GRID1: variants seen among roughly 807,000 people sequenced by gnomAD.
GRID1 encodes the protein glutamate ionotropic receptor delta type subunit 1, also known as glutamate receptor ionotropic, delta-1.
In GRID1, 28 loss-of-function variants were observed where a neutral mutation model predicts 98.0. The observed-to-expected ratio is 0.29, with a 90% CI of 0.21 to 0.39. GRID1 has a LOEUF of 0.39. Ranked by LOEUF, GRID1 falls within the 10% of genes least tolerant of loss-of-function variation. GRID1 has a pLI of 1.00. For synonymous variants in GRID1, 553 were observed against 538.5 expected (o/e 1.03, Z -0.37); for missense variants, 1,111 against 1,340.5 (o/e 0.83, Z 2.67).
In GRID1 at chr10:85,599,919, T is replaced by TCTCTCTCA. The variant is rs1554857354; in HGVS notation, c.*2353_*2354insTGAGAGAG. The TCTCTCTCA allele has an allele frequency of 6.5e-4, 85 of 131,514 alleles. No homozygotes were observed. The highest frequency in any genetic ancestry group is 2.5e-3 in the African/African-American group (80 of 31,952). The allele number at this position is 131,514 out of a possible 1,614,324, so 8.1% of individuals were successfully genotyped here. ...GTCTCTCTCTCTCTCTCTCTCTCTC[T>TCTCTCTCA]CACACACACACACACACACAAACAC... On this transcript the variant is annotated 3_prime_UTR_variant, in exon 16 of 16. Transcript: ENST00000327946.
At chr10:86,344,540 C>T (rs927919017) in intron 2 of GRID1, among the ~76,000 whole-genome samples, 19 of 152,168 alleles carry the variant, frequency 1.2e-4, no homozygotes, top group Admixed American at 1.2e-3. Flanking sequence ...CCTCTGAGGC[C>T]GTGGTGGTCT....
chr10:85,728,456 G>A (rs1841787026), intron 9 of GRID1, among the ~76,000 whole-genome samples: 1 of 152,216 alleles, frequency 6.6e-6, no homozygotes, highest in Admixed American at 6.5e-5. Context: ...AGGATAGTAA[G>A]TGGCGATAAA....
intron 6 of GRID1, among the ~76,000 whole-genome samples, chr10:85,866,370 C>A (rs1287856746): frequency 6.7e-6 from 1 of 149,576 alleles, no homozygotes; most frequent in Non-Finnish European, 1.5e-5. Flanking sequence ...ACCTGTCCAC[C>A]TCCACAGTAA....
At chr10:85,606,253 C>T (rs1306736109) in intron 15 of GRID1, 4 of 152,196 alleles carry the variant, frequency 2.6e-5, no homozygotes, top group Admixed American at 1.3e-4. Flanking sequence ...AGTTATCATT[C>T]GCCTTTAAAG....
chr10:85,930,791 T>C (rs1459667044), intron 4 of GRID1, among the ~76,000 whole-genome samples: 1 of 152,210 alleles, frequency 6.6e-6, no homozygotes, highest in East Asian at 1.9e-4. Flanking sequence ...TGAATATTAA[T>C]TCTTCCTCAG....
At chr10:86,117,927 G>A (rs1223277494) in intron 4 of GRID1, among the ~76,000 whole-genome samples, 2 of 152,178 alleles carry the variant, frequency 1.3e-5, no homozygotes, top group African/African-American at 2.4e-5. Context: ...TAGATCTACC[G>A]TTTGATCCAG....
At position 85,629,010 on chromosome 10, in the gene GRID1, G is replaced by A. The variant is rs546711160; in HGVS notation, c.2194-8977C>T. On this transcript the variant is annotated intron_variant, in intron 13 of 15. Coordinates refer to ENST00000327946, the MANE Select transcript of GRID1 (RefSeq NM_017551.3). Reference sequence around the variant, plus strand: ...GGCCCATGACCTGGGCAGGACAACCGAGAAGATGGAGGTGTTCCCAGGCTA... The same window carrying A: ...GGCCCATGACCTGGGCAGGACAACCAAGAAGATGGAGGTGTTCCCAGGCTA... 2.6e-5 allele frequency among the ~76,000 whole-genome samples: 4 copies of A among 152,140 alleles called. No individual in the cohort carries two copies. In the East Asian group the frequency reaches 5.8e-4, roughly 22 times the overall value.
At chr10:85,834,122 C>A (rs1044390683) in intron 8 of GRID1, among the ~76,000 whole-genome samples, 1 of 152,102 alleles carries the variant, frequency 6.6e-6, no homozygotes, top group Admixed American at 6.5e-5. Context: ...AGATGTAAAC[C>A]TGGAAATTCA....
At chr10:86,187,391 G>A (rs998008786) in intron 3 of GRID1, among the ~76,000 whole-genome samples, 9 of 152,328 alleles carry the variant, frequency 5.9e-5, no homozygotes, top group Middle Eastern at 6.8e-3. Context: ...CCTCACCCAA[G>A]TTCATGCTAC....
At chr10:85,767,140 G>C (rs1443718749) in intron 8 of GRID1, among the ~76,000 whole-genome samples, 1 of 152,130 alleles carries the variant, frequency 6.6e-6, no homozygotes, top group African/African-American at 2.4e-5. Flanking sequence ...GGAGAAGCTG[G>C]GCCACTCAGG....
At chr10:85,766,730 TTGTGTGTGTGTGTGTGTG>T (rs35691322) in intron 8 of GRID1, among the ~76,000 whole-genome samples, 1 of 138,352 alleles carries the variant, frequency 7.2e-6, no homozygotes, top group Non-Finnish European at 1.6e-5. Context: ...AGGCAGATGA[TTGTGTGTGTGTGTGTGTG>T]TGTGTGTGTG....
intron 8 of GRID1, among the ~76,000 whole-genome samples, chr10:85,830,796 A>G (rs936885147): frequency 1.3e-5 from 2 of 152,206 alleles, no homozygotes; most frequent in African/African-American, 2.4e-5. Context: ...AGCTATTATT[A>G]AAAAATAAAA....
At chr10:86,293,267 T>C (rs1847541861) in intron 2 of GRID1, among the ~76,000 whole-genome samples, 1 of 152,096 alleles carries the variant, frequency 6.6e-6, no homozygotes, top group South Asian at 2.1e-4. Flanking sequence ...CACACTCCAA[T>C]GCCAGGGAGG....
At chr10:86,214,825 T>C (rs1261372968) in intron 2 of GRID1, among the ~76,000 whole-genome samples, 1 of 152,154 alleles carries the variant, frequency 6.6e-6, no homozygotes, top group Non-Finnish European at 1.5e-5. Context: ...GCCAAGATAG[T>C]GCCACTGCAC....
At chr10:86,053,247 C>T (rs556721324) in intron 4 of GRID1, among the ~76,000 whole-genome samples, 1 of 152,148 alleles carries the variant, frequency 6.6e-6, no homozygotes, top group African/African-American at 2.4e-5. Flanking sequence ...TAATAAAAAA[C>T]AAAAGTTATT....
intron 4 of GRID1, among the ~76,000 whole-genome samples, chr10:86,093,439 A>C (rs1227697174): frequency 6.6e-6 from 1 of 152,108 alleles, no homozygotes. Flanking sequence ...GAAAAGATAA[A>C]TAAAATTAAT....
intron 3 of GRID1, among the ~76,000 whole-genome samples, chr10:86,172,785 AT>A (rs1402104941): frequency 1.3e-5 from 2 of 152,220 alleles, no homozygotes; most frequent in Non-Finnish European, 2.9e-5. Context: ...AAAACCTAAA[AT>A]AAAAAGCACA....
At chr10:86,057,028 G>C (rs1343277187) in intron 4 of GRID1, among the ~76,000 whole-genome samples, 1 of 152,172 alleles carries the variant, frequency 6.6e-6, no homozygotes, top group Non-Finnish European at 1.5e-5. Flanking sequence ...ATCCATAAAG[G>C]GCTGCTGTCC....
chr10:85,699,039 T>C (rs938644394), intron 12 of GRID1, among the ~76,000 whole-genome samples: 4 of 152,020 alleles, frequency 2.6e-5, no homozygotes, highest in Admixed American at 2.6e-4. Flanking sequence ...TTTTGGGGTT[T>C]TGTTTTGTTT....
Sources: gnomAD v4.1 joint callset for allele counts (sites outside exome capture counted in the v4.1 genomes callset) on GRCh38, gnomAD v4.1.1 for gene constraint, MANE v1.5 for transcripts, NCBI Gene and HGNC (gene_info 2026-07-23, HGNC 2026-07-21) for gene names.